Variants in CPNE8 observed in about 807,000 individuals in gnomAD.
CPNE8 encodes copine-8.
Under a neutral mutation model 81.5 loss-of-function variants are expected in CPNE8, and 45 were observed. The observed-to-expected ratio is 0.55, with a 90% CI of 0.44 to 0.71. CPNE8 has a LOEUF of 0.71. CPNE8 is among the 30% of genes least tolerant of loss of function. CPNE8 has a pLI of 0.00. For synonymous variants in CPNE8, 252 were observed against 226.3 expected (o/e 1.11, Z -1.02); for missense variants, 594 against 672.1 (o/e 0.88, Z 1.28).
chr12:38,724,830 A>T lies in CPNE8; in HGVS notation c.852+16T>A. ...TTTATTTTAATCTTTAATAAATAAC[A>T]TAAAATTTGACTTACTGTTCCAGAA... On this transcript the variant is annotated intron_variant, in intron 12 of 19. Transcript: ENST00000331366. 1 of 1,395,130 alleles carries T rather than the reference A, an allele frequency of 7.2e-7. No individual in the cohort carries two copies. The highest frequency in any genetic ancestry group is 1.4e-5 in the African/African-American group (1 of 70,238). The allele number at this position is 1,395,130 out of a possible 1,614,324, so 86.4% of individuals were successfully genotyped here.
At chr12:38,656,906 C>T (rs1167691126) in intron 19 of CPNE8, among the ~76,000 whole-genome samples, 1 of 152,088 alleles carries the variant, frequency 6.6e-6, no homozygotes, top group East Asian at 1.9e-4. Flanking sequence ...CTTTCAGGTC[C>T]GTTCCAAGAT....
At chr12:38,678,674 T>A (rs565918915) in intron 16 of CPNE8, among the ~76,000 whole-genome samples, 4 of 151,870 alleles carry the variant, frequency 2.6e-5, no homozygotes, top group Non-Finnish European at 5.9e-5. Flanking sequence ...TAAAAACATA[T>A]AAAGAAGAAA....
intron 6 of CPNE8, among the ~76,000 whole-genome samples, chr12:38,825,437 G>A (rs1943173379): frequency 1.3e-5 from 2 of 152,192 alleles, no homozygotes; most frequent in Admixed American, 1.3e-4. Flanking sequence ...GTGGAATTTA[G>A]GACTCCATGG....
At chr12:38,687,678 G>A (rs375263524) in intron 15 of CPNE8, among the ~76,000 whole-genome samples, 201 of 152,132 alleles carry the variant, frequency 1.3e-3, no homozygotes, top group African/African-American at 4.5e-3. Context: ...CACCGCACCC[G>A]GCCAAAATGC....
intron 1 of CPNE8, among the ~76,000 whole-genome samples, chr12:38,904,305 A>T (rs1565671226): frequency 1.3e-5 from 2 of 152,094 alleles, no homozygotes; most frequent in Non-Finnish European, 2.9e-5. Flanking sequence ...TTAATTCGCA[A>T]ATTAGTGGCC....
rs572819886 is a variant in CPNE8 at position 38,698,395 on chromosome 12, A to G, written c.961+4480T>C. 5.3e-5 allele frequency among the ~76,000 whole-genome samples: 8 copies of G among 152,290 alleles called. No individual in the cohort carries two copies. In the East Asian group the frequency reaches 1.5e-3, roughly 29 times the overall value. On this transcript the variant is annotated intron_variant, in intron 14 of 19. Coordinates refer to ENST00000331366, the MANE Select transcript of CPNE8 (RefSeq NM_153634.3). Reference sequence around the variant, plus strand: ...TGATAGTGCCCTTCAAAGCATAAAAAGTTTTGATTTTGAAGTTCATTTTAC... The same window carrying G: ...TGATAGTGCCCTTCAAAGCATAAAAGGTTTTGATTTTGAAGTTCATTTTAC...
chr12:38,791,510 CAAT>C (rs1320402051), intron 6 of CPNE8, among the ~76,000 whole-genome samples: 1 of 151,092 alleles, frequency 6.6e-6, no homozygotes, highest in Non-Finnish European at 1.5e-5. Flanking sequence ...TAGAATTGCA[CAAT>C]AATGAAAATA....
chr12:38,682,652 G>C (rs74767804), intron 16 of CPNE8, among the ~76,000 whole-genome samples: 1 of 152,076 alleles, frequency 6.6e-6, no homozygotes, highest in East Asian at 1.9e-4. Context: ...ATGTATATAT[G>C]TGCATGTATA....
At chr12:38,683,509 T>G (rs1431573667) in intron 16 of CPNE8, among the ~76,000 whole-genome samples, 2 of 152,100 alleles carry the variant, frequency 1.3e-5, no homozygotes, top group East Asian at 3.9e-4. Context: ...CTATGGCGCT[T>G]CTCTTAATAG....
intron 3 of CPNE8, among the ~76,000 whole-genome samples, chr12:38,856,270 C>T (rs917397589): frequency 6.6e-6 from 1 of 151,944 alleles, no homozygotes; most frequent in African/African-American, 2.4e-5. Flanking sequence ...TGAATGCTAC[C>T]GAACATTTAA....
At chr12:38,900,244 G>T (rs60616247) in intron 1 of CPNE8, among the ~76,000 whole-genome samples, 8,077 of 152,104 alleles carry the variant, frequency 0.053, 684 homozygotes, top group African/African-American at 0.18. Context: ...ACCAAGAGAT[G>T]AAAATAATTA....
chr12:38,714,270 G>T lies in CPNE8; in HGVS notation c.914+9502C>A, dbSNP rs1940333504. Among the ~76,000 whole-genome samples the T allele has an allele frequency of 2.6e-5, 4 of 151,996 alleles. No homozygotes were observed. The South Asian group carries it at 8.3e-4, about 31-fold the overall frequency. ...AGAAATTATCTTAGATTTCATAACA[G>T]TATGTAATTTGAAATGAATCTGACA... On this transcript the variant is annotated intron_variant, in intron 13 of 19. Coordinates refer to ENST00000331366, the MANE Select transcript of CPNE8 (RefSeq NM_153634.3).
At chr12:38,775,442 A>C (rs1941910943) in intron 7 of CPNE8, among the ~76,000 whole-genome samples, 1 of 152,212 alleles carries the variant, frequency 6.6e-6, no homozygotes, top group Non-Finnish European at 1.5e-5. Context: ...CTGTTCCTAC[A>C]ATCAAGCAGC....
chr12:38,682,086 G>A (rs1261076656), intron 16 of CPNE8, among the ~76,000 whole-genome samples: 2 of 152,044 alleles, frequency 1.3e-5, no homozygotes, highest in East Asian at 3.9e-4. Flanking sequence ...CAGGTGTGGT[G>A]GCACATACCA....
At chr12:38,882,406 C>A (rs1420974152) in intron 1 of CPNE8, among the ~76,000 whole-genome samples, 1 of 152,148 alleles carries the variant, frequency 6.6e-6, no homozygotes, top group Non-Finnish European at 1.5e-5. Context: ...ATCAGCCCTG[C>A]CAACACCTTG....
At chr12:38,724,803 C>T (rs1456793794) in intron 12 of CPNE8, 43 bp downstream of exon 12, 2 of 1,262,254 alleles carry the variant, frequency 1.6e-6, no homozygotes, top group Non-Finnish European at 1.1e-6. Flanking sequence ...TATGCTTATT[C>T]ATTTATTTTA....
intron 10 of CPNE8, among the ~76,000 whole-genome samples, chr12:38,756,764 C>T (rs1941469414): frequency 1.3e-5 from 2 of 152,152 alleles, no homozygotes; most frequent in African/African-American, 2.4e-5. Flanking sequence ...ACTTATGATG[C>T]ATATTACATG....
At chr12:38,739,443 C>T (rs568389232) in intron 10 of CPNE8, among the ~76,000 whole-genome samples, 1 of 152,170 alleles carries the variant, frequency 6.6e-6, no homozygotes, top group South Asian at 2.1e-4. Flanking sequence ...GGTATAATAT[C>T]TGTATGTGGA....
chr12:38,731,192 G>A (rs538690353), intron 10 of CPNE8, among the ~76,000 whole-genome samples: 19 of 152,014 alleles, frequency 1.2e-4, no homozygotes, highest in African/African-American at 2.2e-4. Flanking sequence ...AATGTAGCAC[G>A]TTAGAAGAAT....
Sources: allele counts gnomAD v4.1 joint callset (sites outside exome capture counted in the v4.1 genomes callset), GRCh38; gene constraint gnomAD v4.1.1; transcripts MANE v1.5; gene names NCBI Gene and HGNC (gene_info 2026-07-23, HGNC 2026-07-21).